Variants in MAML3 observed in about 807,000 individuals in gnomAD.
MAML3 encodes mastermind-like protein 3.
Under a neutral mutation model 101.9 loss-of-function variants are expected in MAML3, and 27 were observed. That is an observed-to-expected ratio of 0.27 (90% CI 0.20 to 0.37). MAML3 has a LOEUF of 0.37. Among genes scored for constraint, MAML3 ranks in the 10% least tolerant of loss-of-function variants. The pLI, the probability that MAML3 is intolerant of heterozygous loss-of-function variation, is 1.00. For synonymous variants in MAML3, 501 were observed against 555.9 expected (o/e 0.90, Z 1.39); for missense variants, 1,316 against 1,444.9 (o/e 0.91, Z 1.45).
intron 2 of MAML3, among the ~76,000 whole-genome samples, chr4:139,866,590 T>TGCG (rs1731903742): frequency 6.6e-6 from 1 of 152,210 alleles, no homozygotes; most frequent in South Asian, 2.1e-4. Context: ...GGAATCTATT[T>TGCG]GCGGCAGTAA....
chr4:139,954,571 G>A (rs1484839856), intron 1 of MAML3, among the ~76,000 whole-genome samples: 2 of 152,210 alleles, frequency 1.3e-5, no homozygotes, highest in Admixed American at 6.5e-5. Context: ...GGTGAGTCCA[G>A]AGGCTGGAGC....
intron 2 of MAML3, among the ~76,000 whole-genome samples, chr4:139,871,196 CAT>C (rs1489926023): frequency 2.0e-5 from 3 of 152,144 alleles, no homozygotes; most frequent in Non-Finnish European, 4.4e-5. Flanking sequence ...TGGTTCGACT[CAT>C]ATGTCTTTCT....
intron 2 of MAML3, among the ~76,000 whole-genome samples, chr4:139,798,038 A>AGAG (rs1560797500): frequency 9.2e-3 from 53 of 5,736 alleles, no homozygotes; most frequent in Admixed American, 0.029. Flanking sequence ...GAGAGAGAGA[A>AGAG]AGAAAGAAAG....
intron 1 of MAML3, among the ~76,000 whole-genome samples, chr4:140,113,131 C>T (rs1728465328): frequency 6.6e-6 from 1 of 151,838 alleles, no homozygotes; most frequent in African/African-American, 2.4e-5. Context: ...TAGAAAAAAT[C>T]AGCTGGGCAT....
At chr4:139,971,506 T>C (rs926008785) in intron 1 of MAML3, among the ~76,000 whole-genome samples, 1 of 152,228 alleles carries the variant, frequency 6.6e-6, no homozygotes, top group South Asian at 2.1e-4. Flanking sequence ...CAATAGCATA[T>C]AATTTGCCTT....
chr4:140,071,999 G>A (rs1035741618), intron 1 of MAML3, among the ~76,000 whole-genome samples: 3 of 152,196 alleles, frequency 2.0e-5, no homozygotes, highest in Non-Finnish European at 2.9e-5. Context: ...GGGGAGAACA[G>A]ACAGCCTGTT....
intron 2 of MAML3, among the ~76,000 whole-genome samples, chr4:139,766,690 C>T (rs948608283): frequency 4.6e-5 from 7 of 152,206 alleles, no homozygotes; most frequent in Non-Finnish European, 1.0e-4. Flanking sequence ...CCAAGTCCGC[C>T]ATTTCCTTCT....
intron 1 of MAML3, among the ~76,000 whole-genome samples, chr4:139,975,726 G>C (rs564221935): frequency 1.3e-5 from 2 of 152,126 alleles, no homozygotes; most frequent in African/African-American, 4.8e-5. Context: ...TAATGAAAAA[G>C]GTGTGAAGTC....
chr4:139,953,484 G>A (rs1398335052), intron 1 of MAML3, among the ~76,000 whole-genome samples: 1 of 152,128 alleles, frequency 6.6e-6, no homozygotes, highest in East Asian at 1.9e-4. Flanking sequence ...AAATTAGCAC[G>A]GCATGGTGGC....
chr4:140,091,006 C>T (rs559513707), intron 1 of MAML3, among the ~76,000 whole-genome samples: 168 of 152,142 alleles, frequency 1.1e-3, no homozygotes, highest in Non-Finnish European at 2.1e-3. Flanking sequence ...GCCAAGGTTG[C>T]GCCACTGCAC....
chr4:140,153,448 G>T lies in MAML3; in HGVS notation c.-121C>A. 8.9e-7 allele frequency: 1 copy of T among 1,122,174 alleles called. No individual in the cohort carries two copies. Among genetic ancestry groups the T allele is most frequent in the Non-Finnish European group, 1.2e-6 (1 of 866,120 alleles). 69.5% of individuals were successfully genotyped at this position (1,122,174 alleles called of 1,614,324 possible). On this transcript the variant is annotated 5_prime_UTR_variant, in exon 1 of 5. Transcript: ENST00000509479. The stretch of plus-strand genomic sequence containing the variant: ...AACGCGGGGGAGACGCAAGCACATG[G>T]ATGGAAACGGCGATCCCGACGGGGC...
At chr4:139,811,706 C>G (rs1320894655) in intron 2 of MAML3, among the ~76,000 whole-genome samples, 1 of 152,170 alleles carries the variant, frequency 6.6e-6, no homozygotes, top group East Asian at 1.9e-4. Context: ...ACATTGAGGA[C>G]TGAATACATG....
At chr4:139,925,791 A>G (rs998329696) in intron 1 of MAML3, among the ~76,000 whole-genome samples, 1 of 152,222 alleles carries the variant, frequency 6.6e-6, no homozygotes, top group African/African-American at 2.4e-5. Context: ...TTTCTAAAAT[A>G]AAAAGTTTTT....
intron 2 of MAML3, among the ~76,000 whole-genome samples, chr4:139,750,033 A>G (rs905482888): frequency 6.6e-6 from 1 of 152,188 alleles, no homozygotes; most frequent in African/African-American, 2.4e-5. Flanking sequence ...ATTTGATTGT[A>G]CCCTGAAGTG....
At chr4:139,843,919 CA>C (rs1381803041) in intron 2 of MAML3, among the ~76,000 whole-genome samples, 1 of 152,218 alleles carries the variant, frequency 6.6e-6, no homozygotes, top group Non-Finnish European at 1.5e-5. Context: ...AAGCTTGGCC[CA>C]CAGGGCCCCT....
rs549890160 is a variant in MAML3 at position 140,129,740 on chromosome 4, G to C, written c.468+23120C>G. Among the ~76,000 whole-genome samples the C allele has an allele frequency of 2.0e-5, 3 of 152,278 alleles. No homozygotes were observed. The South Asian group carries it at 6.2e-4, about 32-fold the overall frequency. On this transcript the variant is annotated intron_variant, in intron 1 of 4. Coordinates refer to ENST00000509479, the MANE Select transcript of MAML3 (RefSeq NM_018717.5). Reference sequence around the variant, plus strand: ...CCAGCACTTTGGGAGGCCGAGGCGGGCGGATCACGAGGTCAAGAAATCGAG... The same window carrying C: ...CCAGCACTTTGGGAGGCCGAGGCGGCCGGATCACGAGGTCAAGAAATCGAG...
intron 2 of MAML3, among the ~76,000 whole-genome samples, chr4:139,732,527 T>A (rs1728766806): frequency 6.6e-6 from 1 of 151,326 alleles, no homozygotes; most frequent in Admixed American, 6.6e-5. Flanking sequence ...GTAGCTTAGG[T>A]CACACAATCA....
chr4:139,912,966 G>A (rs1732960237), intron 1 of MAML3, among the ~76,000 whole-genome samples: 1 of 151,992 alleles, frequency 6.6e-6, no homozygotes, highest in South Asian at 2.1e-4. Context: ...GCATGAATCT[G>A]CAGTAGGACA....
At chr4:139,901,360 A>G (rs187391098) in intron 1 of MAML3, among the ~76,000 whole-genome samples, 3 of 152,322 alleles carry the variant, frequency 2.0e-5, no homozygotes, top group African/African-American at 7.2e-5. Flanking sequence ...GCATTCCACA[A>G]TCTGAACCCT....
Sources: allele counts gnomAD v4.1 joint callset (sites outside exome capture counted in the v4.1 genomes callset), GRCh38; gene constraint gnomAD v4.1.1; transcripts MANE v1.5; gene names NCBI Gene and HGNC (gene_info 2026-07-23, HGNC 2026-07-21).